The following PHEX variants were observed in gnomAD, a reference collection of about 807,000 sequenced individuals.
PHEX encodes the protein phosphate regulating endopeptidase X-linked, also known as phosphate-regulating neutral endopeptidase PHEX.
PHEX carries 16 observed loss-of-function variants against 68.0 expected under a neutral mutation model. The ratio of observed to expected loss-of-function variants is 0.24; its 90% CI spans 0.16 to 0.36. The LOEUF (loss-of-function observed/expected upper bound fraction) is 0.36. Among genes scored for constraint, PHEX ranks in the 10% least tolerant of loss-of-function variants. PHEX has a pLI of 1.00. For synonymous variants in PHEX, 208 were observed against 205.1 expected, an observed-to-expected ratio of 1.01 and a Z score of -0.12; for missense variants, 480 against 575.5, an observed-to-expected ratio of 0.83 and a Z score of 1.70.
chrX:22,213,531 A>G (rs1179127476), intron 16 of PHEX, among the ~76,000 whole-genome samples: 1 of 112,213 alleles, frequency 8.9e-6, no homozygotes, highest in East Asian at 2.8e-4. Context: ...GTAGCTACAG[A>G]ATAAGTCAAA....
intron 17 of PHEX, 150 bp from the exon 18 acceptor site, chrX:22,221,463 G>A: frequency 2.0e-6 from 1 of 489,969 alleles, no homozygotes; most frequent in East Asian, 3.6e-5. Flanking sequence ...ATTAACCTGT[G>A]ACATTGGAGA....
intron 20 of PHEX, among the ~76,000 whole-genome samples, chrX:22,234,405 T>C (rs1935886769): frequency 1.8e-5 from 2 of 111,422 alleles, no homozygotes; most frequent in East Asian, 2.8e-4. Context: ...CCTAGGGAGA[T>C]GGGAGTTTTA....
chrX:22,042,624 A>T (rs1318853185), intron 2 of PHEX, among the ~76,000 whole-genome samples: 1 of 111,697 alleles, frequency 9.0e-6, no homozygotes, highest in African/African-American at 3.3e-5. Context: ...ATGTCTACTA[A>T]AAATACAAAA....
intron 7 of PHEX, among the ~76,000 whole-genome samples, 195 bp from the exon 8 acceptor site, chrX:22,096,760 G>C (rs1930152590): frequency 8.9e-6 from 1 of 111,868 alleles, no homozygotes; most frequent in African/African-American, 3.3e-5. Flanking sequence ...ATTTCACACA[G>C]AGGAGGATAT....
At chrX:22,089,953 G>A (rs1265698942) in intron 5 of PHEX, among the ~76,000 whole-genome samples, 4 of 112,168 alleles carry the variant, frequency 3.6e-5, no homozygotes, top group African/African-American at 1.3e-4. Flanking sequence ...GGAAACGTCT[G>A]ATTAATCAAC....
chrX:22,074,974 G>A (rs1174165467), intron 3 of PHEX, among the ~76,000 whole-genome samples: 1 of 109,221 alleles, frequency 9.2e-6, no homozygotes, highest in Admixed American at 9.8e-5. Context: ...CTACTCGGGA[G>A]GCTGAGACAG....
intron 13 of PHEX, chrX:22,171,227 C>T (rs1933513586): frequency 9.0e-6 from 1 of 110,635 alleles, no homozygotes; most frequent in Admixed American, 9.6e-5. Context: ...GAAACAGGCA[C>T]CTTCTTCACA....
chrX:22,083,068 G>C (rs1216482930), intron 5 of PHEX, among the ~76,000 whole-genome samples: 1 of 111,968 alleles, frequency 8.9e-6, no homozygotes, highest in Admixed American at 9.5e-5. Flanking sequence ...TCTGATCTTT[G>C]ATAAAGTCTA....
At chrX:22,209,886 T>C (rs1368546348) in intron 15 of PHEX, among the ~76,000 whole-genome samples, 2 of 102,554 alleles carry the variant, frequency 2.0e-5, no homozygotes, top group African/African-American at 7.3e-5. Flanking sequence ...AGTACACTGA[T>C]AGAAAAAGGA....
intron 3 of PHEX, among the ~76,000 whole-genome samples, chrX:22,057,364 G>A (rs1054269718): frequency 4.5e-5 from 5 of 111,530 alleles, no homozygotes; most frequent in African/African-American, 1.3e-4. Context: ...AGCACTTTGA[G>A]AGGTCAAGGT....
chrX:22,225,498 C>CAGAT (rs1935461746), intron 18 of PHEX, among the ~76,000 whole-genome samples: 2 of 111,364 alleles, frequency 1.8e-5, no homozygotes, highest in Admixed American at 1.9e-4. Flanking sequence ...TGTAAAGGGC[C>CAGAT]AGATAGTAAA....
intron 5 of PHEX, among the ~76,000 whole-genome samples, chrX:22,089,418 T>G (rs1314210327): frequency 9.4e-6 from 1 of 106,402 alleles, no homozygotes; most frequent in African/African-American, 3.4e-5. Flanking sequence ...TTTTTTTTTG[T>G]TTTTTTTGTT....
At chrX:22,209,709 TTCCCTCTGC>T (rs201089683) in intron 15 of PHEX, among the ~76,000 whole-genome samples, 49 of 70,311 alleles carry the variant, frequency 7.0e-4, no homozygotes, top group Middle Eastern at 7.1e-3. Context: ...TCTCCCTCTC[TTCCCTCTGC>T]TCCCTCTGCT....
chrX:22,194,365 A>C (rs1182373655), intron 15 of PHEX, among the ~76,000 whole-genome samples: 1 of 111,454 alleles, frequency 9.0e-6, no homozygotes, highest in African/African-American at 3.3e-5. Flanking sequence ...CTACAAATTA[A>C]GACAGGTGGA....
chrX:22,234,357 G>A (rs1304714643), intron 20 of PHEX, among the ~76,000 whole-genome samples: 1 of 112,525 alleles, frequency 8.9e-6, no homozygotes, highest in Non-Finnish European at 1.9e-5. Context: ...GTCTGCTGAA[G>A]CTGTGCCCAC....
At chrX:22,214,195 G>T (rs1044237068) in intron 16 of PHEX, among the ~76,000 whole-genome samples, 8 of 111,460 alleles carry the variant, frequency 7.2e-5, no homozygotes, top group Non-Finnish European at 1.5e-4. Context: ...CTAGTTTCTA[G>T]AGGGGGCCCA....
At chrX:22,137,716 G>A (rs991370062) in intron 12 of PHEX, among the ~76,000 whole-genome samples, 38 of 111,325 alleles carry the variant, frequency 3.4e-4, no homozygotes, top group Non-Finnish European at 2.1e-4. Flanking sequence ...CTGGGAGTAG[G>A]GCTCAGTGCC....
In PHEX at chrX:22,099,479, T is replaced by C. The variant is rs12560171; in HGVS notation, c.1079+328T>C. 98 of 217,496 alleles carry C rather than the reference T, an allele frequency of 4.5e-4. 2 individuals are homozygous for C. In the Middle Eastern group the frequency reaches 6.1e-3, roughly 14 times the overall value. The allele number at this position is 217,496 out of a possible 1,213,427, so 17.9% of individuals were successfully genotyped here. ...ATGTCTGTGTGAACATCTTTTTTTT[T>C]CCCCAGTTCATTCTCAATCTTTTGC... is the stretch of plus-strand genomic sequence containing the variant. On this transcript the variant is annotated intron_variant, in intron 9 of 21. Transcript: ENST00000379374.
intron 13 of PHEX, among the ~76,000 whole-genome samples, chrX:22,174,445 T>G (rs1933636871): frequency 8.9e-6 from 1 of 111,974 alleles, no homozygotes. Context: ...TATTTAAAAT[T>G]ATCAAAATAT....
Sources: gnomAD v4.1 joint callset for allele counts (sites outside exome capture counted in the v4.1 genomes callset) on GRCh38, gnomAD v4.1.1 for gene constraint, MANE v1.5 for transcripts, NCBI Gene and HGNC (gene_info 2026-07-23, HGNC 2026-07-21) for gene names.